The following SCAF8 variants were observed in gnomAD, a reference collection of about 807,000 sequenced individuals.
The protein encoded by SCAF8 is SR-related and CTD-associated factor 8.
A neutral mutation model predicts 140.5 loss-of-function variants in SCAF8; 23 were observed. The observed-to-expected ratio is 0.16, with a 90% CI of 0.12 to 0.23. The LOEUF (loss-of-function observed/expected upper bound fraction) is 0.23, where lower values mean the gene tolerates loss of function less well. Ranked by LOEUF, SCAF8 falls within the 10% of genes least tolerant of loss-of-function variation. The pLI, the probability that SCAF8 is intolerant of heterozygous loss-of-function variation, is 1.00. For missense variants in SCAF8, 1,397 were observed against 1,555.7 expected (o/e 0.90, Z 1.72); for synonymous variants, 575 against 528.9 (o/e 1.09, Z -1.20).
chr6:154,806,512 T>C (rs191460847), intron 9 of SCAF8, among the ~76,000 whole-genome samples: 3 of 152,310 alleles, frequency 2.0e-5, no homozygotes, highest in Admixed American at 1.3e-4. Context: ...TCAGGTAACC[T>C]CTTCTCTAAT....
chr6:154,802,111 T>A lies in SCAF8; in HGVS notation c.747T>A (p.Thr249=). 1 of 1,610,688 alleles carries A rather than the reference T, an allele frequency of 6.2e-7. No individual in the cohort carries two copies. Among genetic ancestry groups the A allele is most frequent in the South Asian group, 1.1e-5 (1 of 90,474 alleles). Residue 249 remains threonine, a synonymous_variant, in exon 7 of 20, where the codon ACT becomes ACA. Transcript: ENST00000367178. ...CAGCTGCAGCTGCAGCTGCCAACAC[T>A]CTTACTCCCTTAGAACAGGGAGTCT... ...QLTAAAAAAN[T]LTPLEQGVSF...
chr6:154,825,956 T>C (rs902595135), intron 17 of SCAF8, among the ~76,000 whole-genome samples: 8 of 152,156 alleles, frequency 5.3e-5, no homozygotes, highest in African/African-American at 1.9e-4. Context: ...TATATATAGT[T>C]TTTCCAAATT....
chr6:154,832,512 A>G lies in SCAF8; in HGVS notation c.2933A>G (p.Gln978Arg). Residue 978 changes from glutamine (Q) to arginine (R), a missense_variant, in exon 20 of 20, where the codon CAA (glutamine) becomes CGA (arginine). Around this residue, in one of 5 missense-constraint regions of SCAF8, gnomAD observed 930 missense variants for 874.6 expected, o/e 1.06. Transcript: ENST00000367178. ...TTTCCTCCAGGAGATATTTTTAGTC[A>G]ACCAGAAAGACCTTTTTTAGCTCCT... ...GPFPPGDIFS[Q>R]PERPFLAPGR... 1 of 1,613,844 alleles carries G rather than the reference A, an allele frequency of 6.2e-7. No individual in the cohort carries two copies. The highest frequency in any genetic ancestry group is 8.5e-7 in the Non-Finnish European group (1 of 1,179,938).
In SCAF8 at chr6:154,777,187, GA is replaced by G. The variant is rs113761597; in HGVS notation, c.115-801del. ...CAGAGTGAGAGTGTGTCTCCAAGGG[GA>G]AAAAAAAAAAAAGTATAAAGAGAAG... On this transcript the variant is annotated intron_variant, in intron 2 of 19. Coordinates refer to ENST00000367178, the MANE Select transcript of SCAF8 (RefSeq NM_014892.5). 4.0e-3 allele frequency among the ~76,000 whole-genome samples: 562 copies of G among 141,224 alleles called. 3 individuals carry two copies. Among genetic ancestry groups the G allele is most frequent in the East Asian group, 0.021 (103 of 4,938 alleles). 92.6% of individuals were successfully genotyped at this position (141,224 alleles called of 152,430 possible).
At chr6:154,784,651 TC>T (rs1258596039) in intron 3 of SCAF8, among the ~76,000 whole-genome samples, 1 of 152,198 alleles carries the variant, frequency 6.6e-6, no homozygotes, top group South Asian at 2.1e-4. Context: ...TATTAGGTAT[TC>T]ACAGTAATCT....
chr6:154,746,004 G>A (rs1778690630), intron 1 of SCAF8, among the ~76,000 whole-genome samples: 5 of 152,100 alleles, frequency 3.3e-5, no homozygotes, highest in Admixed American at 3.3e-4. Flanking sequence ...TCGTGCCTCA[G>A]CCTCCTGACT....
chr6:154,750,886 T>G (rs549762487), intron 1 of SCAF8, among the ~76,000 whole-genome samples: 50 of 152,264 alleles, frequency 3.3e-4, no homozygotes, highest in African/African-American at 1.2e-3. Flanking sequence ...CTTTTTCTTG[T>G]TCTCATTTTG....
chr6:154,784,142 T>TAG lies in SCAF8; in HGVS notation c.160-3718_160-3717insGA, dbSNP rs1340652657. 7.0e-3 allele frequency among the ~76,000 whole-genome samples: 626 copies of TAG among 89,268 alleles called. 19 individuals are homozygous for TAG. Among genetic ancestry groups the TAG allele is most frequent in the East Asian group, 0.062 (144 of 2,324 alleles). The allele number at this position is 89,268 out of a possible 152,430, so 58.6% of individuals were successfully genotyped here. On this transcript the variant is annotated intron_variant, in intron 3 of 19. Transcript: ENST00000367178. ...TGAGATATATATATATATATATATA[T>TAG]ATATATATATATATATTTATTTATT...
Position 154,830,912 on chromosome 6 carries a change from C to T in SCAF8, c.2141-10C>T, listed in dbSNP as rs774536409. ...TAAATCTGAAATATATTTTTCTCCT[C>T]TTTAAACAGCTTTAGTGCAGCCGTC... On this transcript the variant is annotated splice_polypyrimidine_tract_variant and intron_variant, in intron 18 of 19. Transcript: ENST00000367178. 6 of 1,608,772 alleles carry T rather than the reference C, an allele frequency of 3.7e-6. No homozygotes were observed. The East Asian group carries it at 1.3e-4, about 36-fold the overall frequency.
chr6:154,762,192 G>T (rs888093504), intron 1 of SCAF8, among the ~76,000 whole-genome samples: 3 of 152,186 alleles, frequency 2.0e-5, no homozygotes, highest in Non-Finnish European at 4.4e-5. Context: ...AAAACAGCAT[G>T]TACTTGTTTC....
chr6:154,766,669 C>CTTTTT (rs56995922), intron 1 of SCAF8, among the ~76,000 whole-genome samples: 5 of 82,424 alleles, frequency 6.1e-5, no homozygotes, highest in Admixed American at 1.5e-4. Flanking sequence ...ACCCCCCCCC[C>CTTTTT]TTTTTTTTTT....
intron 3 of SCAF8, among the ~76,000 whole-genome samples, chr6:154,780,683 C>T (rs1158736411): frequency 6.6e-6 from 1 of 152,134 alleles, no homozygotes; most frequent in Admixed American, 6.5e-5. Flanking sequence ...TCATCCATGT[C>T]ACTGCAAAGT....
chr6:154,813,752 A>AT (rs1045803573), intron 12 of SCAF8, among the ~76,000 whole-genome samples: 1 of 152,200 alleles, frequency 6.6e-6, no homozygotes, highest in Admixed American at 6.5e-5. Flanking sequence ...GCCCAGTTTA[A>AT]TTACACGGGT....
rs1399995710 is a variant in SCAF8 at position 154,818,546 on chromosome 6, A to G, written c.1589A>G (p.Gln530Arg). The G allele has an allele frequency of 1.2e-6, 2 of 1,609,326 alleles. No individual in the cohort carries two copies. Among genetic ancestry groups the G allele is most frequent in the Admixed American group, 1.7e-5 (1 of 59,268 alleles). Residue 530 changes from glutamine to arginine, a missense_variant, in exon 14 of 20, where the codon CAG (glutamine) becomes CGG (arginine). Transcript: ENST00000367178. ...CGACAAGATGCATTTCGAGCTCTTC[A>G]GAAACTCAGTTCTGGATCATATAAA... is the stretch of plus-strand genomic sequence containing the variant. Reference protein sequence around the residue: ...VHRQDAFRALQKLSSGSYKIG... With the variant: ...VHRQDAFRALRKLSSGSYKIG...
chr6:154,793,023 C>G (rs375987770), intron 5 of SCAF8, 47 bp downstream of exon 5: 3 of 1,442,320 alleles, frequency 2.1e-6, no homozygotes, highest in Admixed American at 4.5e-5. Flanking sequence ...TCTACTCATA[C>G]TTTTTGGATG....
intron 11 of SCAF8, 81 bp downstream of exon 11, chr6:154,808,879 A>G (rs887929767): frequency 2.2e-6 from 2 of 922,870 alleles, no homozygotes; most frequent in Non-Finnish European, 3.4e-6. Flanking sequence ...ATGAAAGGAA[A>G]TGTTTCCTTG....
At chr6:154,773,953 G>A (rs1423199216) in intron 1 of SCAF8, 36 bp from the exon 2 acceptor site, 1 of 1,324,570 alleles carries the variant, frequency 7.5e-7, no homozygotes. Flanking sequence ...TGCTTGGAGA[G>A]TTTTGCTGTA....
chr6:154,759,664 AT>A (rs67700317), intron 1 of SCAF8, among the ~76,000 whole-genome samples: 13,043 of 133,102 alleles, frequency 0.098, 1,017 homozygotes, highest in African/African-American at 0.27. Flanking sequence ...TGTCATAATA[AT>A]TTTTTTTTTT....
At chr6:154,780,905 G>A (rs915299856) in intron 3 of SCAF8, among the ~76,000 whole-genome samples, 2 of 152,002 alleles carry the variant, frequency 1.3e-5, no homozygotes, top group African/African-American at 4.8e-5. Context: ...GGATTGCTGG[G>A]TCAGATGGTG....
Sources: gnomAD v4.1 joint callset for allele counts (sites outside exome capture counted in the v4.1 genomes callset) on GRCh38, gnomAD v4.1.1 for gene constraint, gnomAD v4.1.1 regional missense constraint, MANE v1.5 for transcripts, NCBI Gene and HGNC (gene_info 2026-07-23, HGNC 2026-07-21) for gene names.